ADCK1: variants seen among roughly 807,000 people sequenced by gnomAD.
The protein encoded by ADCK1 is aarF domain containing kinase 1.
A neutral mutation model predicts 52.3 loss-of-function variants in ADCK1; 41 were observed. The observed-to-expected ratio is 0.78, with a 90% CI of 0.61 to 1.02. ADCK1 has a LOEUF of 1.02. ADCK1 is among the 50% of genes least tolerant of loss of function. The pLI, the probability that ADCK1 is intolerant of heterozygous loss-of-function variation, is 0.00. For synonymous variants in ADCK1, 250 were observed against 274.6 expected, an observed-to-expected ratio of 0.91 and a Z score of 0.89; for missense variants, 658 against 679.5, an observed-to-expected ratio of 0.97 and a Z score of 0.35.
intron 3 of ADCK1, among the ~76,000 whole-genome samples, chr14:77,854,730 T>TA (rs2082382101): frequency 6.6e-6 from 1 of 152,114 alleles, no homozygotes; most frequent in Admixed American, 6.6e-5. Context: ...CTAATTTTTT[T>TA]ATATTTTTAG....
chr14:77,826,230 C>T (rs548022722), intron 3 of ADCK1, among the ~76,000 whole-genome samples: 2 of 152,244 alleles, frequency 1.3e-5, no homozygotes, highest in Admixed American at 6.5e-5. Context: ...GAGTAAATAC[C>T]GCAGGAGTGT....
At chr14:77,851,907 G>A (rs1257316903) in intron 3 of ADCK1, among the ~76,000 whole-genome samples, 1 of 151,642 alleles carries the variant, frequency 6.6e-6, no homozygotes, top group Non-Finnish European at 1.5e-5. Flanking sequence ...TGCTATTTCT[G>A]GTCTCTCTGT....
intron 3 of ADCK1, among the ~76,000 whole-genome samples, chr14:77,839,800 C>T (rs1050503526): frequency 7.3e-5 from 11 of 151,292 alleles, no homozygotes; most frequent in African/African-American, 9.7e-5. Context: ...GTGCGCGCCT[C>T]CTCAGCTACT....
At chr14:77,898,186 G>A (rs1433343109) in intron 5 of ADCK1, among the ~76,000 whole-genome samples, 2 of 152,168 alleles carry the variant, frequency 1.3e-5, no homozygotes, top group Non-Finnish European at 2.9e-5. Flanking sequence ...CTTGAGCCTT[G>A]GAGGTCAAGG....
At chr14:77,894,812 G>C (rs947505481) in intron 5 of ADCK1, among the ~76,000 whole-genome samples, 12 of 133,524 alleles carry the variant, frequency 9.0e-5, no homozygotes, top group Non-Finnish European at 1.7e-4. Flanking sequence ...GAGTACAGTG[G>C]CATGACCTAG....
chr14:77,807,498 C>T (rs548595906), intron 1 of ADCK1, among the ~76,000 whole-genome samples: 42 of 151,584 alleles, frequency 2.8e-4, no homozygotes, highest in Middle Eastern at 3.4e-3. Context: ...TGCGCCACCA[C>T]GCCCAGCTAA....
At chr14:77,915,777 T>C (rs565972850) in intron 7 of ADCK1, among the ~76,000 whole-genome samples, 4 of 152,246 alleles carry the variant, frequency 2.6e-5, no homozygotes, top group South Asian at 2.1e-4. Context: ...AGTAACTGTG[T>C]TGTTGTGGAG....
intron 7 of ADCK1, among the ~76,000 whole-genome samples, chr14:77,912,574 A>AGCC (rs2083819779): frequency 6.6e-6 from 1 of 151,378 alleles, no homozygotes; most frequent in Non-Finnish European, 1.5e-5. Context: ...CCCTGGAGTG[A>AGCC]CTCCCTCCTG....
intron 1 of ADCK1, among the ~76,000 whole-genome samples, chr14:77,806,965 T>A (rs1177691008): frequency 6.6e-6 from 1 of 150,874 alleles, no homozygotes; most frequent in Non-Finnish European, 1.5e-5. Context: ...TCCAGCCGTC[T>A]CAGCCTCCCA....
intron 3 of ADCK1, among the ~76,000 whole-genome samples, chr14:77,840,434 TC>T (rs1030891509): frequency 6.6e-6 from 1 of 151,968 alleles, no homozygotes; most frequent in African/African-American, 2.4e-5. Context: ...TAAGTCCTTC[TC>T]CCCCTCCCAT....
chr14:77,920,921 A>G (rs533251535), intron 7 of ADCK1, among the ~76,000 whole-genome samples: 23 of 152,188 alleles, frequency 1.5e-4, no homozygotes, highest in African/African-American at 5.5e-4. Context: ...AAGTGCTGGG[A>G]TTATAGGTGT....
chr14:77,911,241 G>A (rs113339051), intron 7 of ADCK1, among the ~76,000 whole-genome samples: 2,012 of 152,258 alleles, frequency 0.013, 20 homozygotes, highest in Middle Eastern at 0.034. Context: ...GTAGAACCAG[G>A]GTTTGAACTC....
At chr14:77,848,195 G>A (rs541987399) in intron 3 of ADCK1, among the ~76,000 whole-genome samples, 1 of 152,298 alleles carries the variant, frequency 6.6e-6, no homozygotes, top group South Asian at 2.1e-4. Context: ...ATGAGCCCCG[G>A]CCTGGATGTT....
chr14:77,888,219 C>T (rs1156642874), intron 5 of ADCK1, among the ~76,000 whole-genome samples: 4 of 152,000 alleles, frequency 2.6e-5, no homozygotes, highest in South Asian at 2.1e-4. Flanking sequence ...GACAGCCCCG[C>T]GGGTGTGAGG....
At chr14:77,901,500 C>G (rs779472893) in intron 6 of ADCK1, among the ~76,000 whole-genome samples, 10 of 152,090 alleles carry the variant, frequency 6.6e-5, no homozygotes, top group Non-Finnish European at 1.0e-4. Flanking sequence ...GGCGATTCTC[C>G]TGCCTCAGCC....
chr14:77,914,627 A>G (rs2083874927), intron 7 of ADCK1: 2 of 978,812 alleles, frequency 2.0e-6, no homozygotes, highest in Non-Finnish European at 2.4e-6. Flanking sequence ...AGGGCCCCTG[A>G]GATTGTGTAT....
intron 3 of ADCK1, 95 bp from the exon 4 acceptor site, chr14:77,858,981 T>C (rs1421529292): frequency 1.7e-6 from 2 of 1,185,798 alleles, no homozygotes; most frequent in East Asian, 4.8e-5. Context: ...TGTGGGGTAA[T>C]GAGGGTTTTC....
intron 1 of ADCK1, among the ~76,000 whole-genome samples, chr14:77,804,395 T>A (rs2081174259): frequency 6.6e-6 from 1 of 152,214 alleles, no homozygotes; most frequent in Non-Finnish European, 1.5e-5. Flanking sequence ...GCCATTCGGC[T>A]CCTGTATCAT....
At chr14:77,818,908 G>A in intron 1 of ADCK1, 60 bp from the exon 2 acceptor site, 1 of 1,581,594 alleles carries the variant, frequency 6.3e-7, no homozygotes, top group Non-Finnish European at 8.6e-7. Context: ...TTGAACTTCA[G>A]TTTGACTAAC....
Sources: allele counts gnomAD v4.1 joint callset (sites outside exome capture counted in the v4.1 genomes callset), GRCh38; gene constraint gnomAD v4.1.1; transcripts MANE v1.5; gene names NCBI Gene and HGNC (gene_info 2026-07-23, HGNC 2026-07-21).